LRRC9: variants seen among roughly 807,000 people sequenced by gnomAD.
LRRC9 encodes leucine rich repeat containing 9.
LRRC9 carries 122 observed loss-of-function variants against 63.2 expected under a neutral mutation model. The ratio of observed to expected loss-of-function variants is 1.93; its 90% CI spans 1.67 to 2.24. The LOEUF (loss-of-function observed/expected upper bound fraction) is 2.24, where lower values mean the gene tolerates loss of function less well. Ranked by LOEUF, LRRC9 falls within the 30% of genes most tolerant of loss-of-function variation. The pLI, the probability that LRRC9 is intolerant of heterozygous loss-of-function variation, is 0.00. For synonymous variants in LRRC9, 366 were observed against 213.1 expected, an observed-to-expected ratio of 1.72 and a Z score of -6.25; for missense variants, 1,071 against 627.7, an observed-to-expected ratio of 1.71 and a Z score of -7.55.
chr14:59,988,026 T>C (rs1357788936), intron 17 of LRRC9, among the ~76,000 whole-genome samples: 1 of 152,216 alleles, frequency 6.6e-6, no homozygotes, highest in East Asian at 1.9e-4. Flanking sequence ...CAATCCATTG[T>C]AATTTTTATC....
At chr14:60,016,634 A>G (rs1566878614) in intron 23 of LRRC9, 26 bp from the exon 24 acceptor site, 3 of 674,778 alleles carry the variant, frequency 4.4e-6, no homozygotes, top group Non-Finnish European at 8.2e-6. Flanking sequence ...AAGACAGGAC[A>G]TCATTTTCTA....
chr14:59,985,188 T>G (rs776819732), exon 17 of LRRC9: 1 of 691,646 alleles, frequency 1.4e-6, no homozygotes, highest in South Asian at 1.5e-5. Context: ...ACATTAGCTT[T>G]AATGAATTTA....
intron 15 of LRRC9, 26 bp downstream of exon 15, chr14:59,978,158 G>T (rs1281265501): frequency 1.4e-6 from 1 of 698,604 alleles, no homozygotes; most frequent in African/African-American, 1.7e-5. Flanking sequence ...TATTCTTAAA[G>T]ACTAATTCTA....
Position 59,930,180 on chromosome 14 carries a change from G to A in LRRC9, c.268-738G>A, listed in dbSNP as rs866186743. ...GTAATCAAATCATAACCAGTACTAC[G>A]TAGTAATAAAATTGGTCCACTTAGA... On this transcript the variant is annotated intron_variant, in intron 3 of 31. Coordinates refer to ENST00000445360, the Ensembl canonical transcript of LRRC9. This position sits in a 1 kb window ranked among gnomAD's most constrained non-coding sequence, Gnocchi z 4.9. 2.0e-4 allele frequency among the ~76,000 whole-genome samples: 30 copies of A among 151,910 alleles called. No individual in the cohort carries two copies. The highest frequency in any genetic ancestry group is 5.6e-4 in the African/African-American group (23 of 41,392).
chr14:59,923,037 C>T lies in LRRC9; in HGVS notation c.-34+3154C>T, dbSNP rs1261781594. ...TGGGGGAACTAGAGATGACCTTTAG[C>T]CTCTTAAATGGGCCAGCCCTGAAAG... On this transcript the variant is annotated intron_variant, in intron 1 of 31. Transcript: ENST00000445360. The surrounding 1 kb of genome is among the most constrained non-coding windows in gnomAD (Gnocchi z 4.2). Among the ~76,000 whole-genome samples, 1 of 152,148 alleles carries T rather than the reference C, an allele frequency of 6.6e-6. No homozygotes were observed. The highest frequency in any genetic ancestry group is 1.9e-4 in the East Asian group (1 of 5,190).
intron 17 of LRRC9, among the ~76,000 whole-genome samples, chr14:59,988,631 G>A (rs552477532): frequency 2.2e-4 from 34 of 152,092 alleles, no homozygotes; most frequent in African/African-American, 7.2e-4. Flanking sequence ...AAAATTTTGT[G>A]TATGTTCTTC....
intron 29 of LRRC9, among the ~76,000 whole-genome samples, chr14:60,036,305 G>T (rs1167006252): frequency 6.6e-6 from 1 of 152,142 alleles, no homozygotes; most frequent in Admixed American, 6.6e-5. Context: ...CCTCAACTCA[G>T]GGTTCACCTA....
At chr14:59,933,777 G>A (rs931211574) in intron 6 of LRRC9, among the ~76,000 whole-genome samples, 4 of 152,144 alleles carry the variant, frequency 2.6e-5, no homozygotes, top group Admixed American at 6.6e-5. Context: ...GTAGCAGGGC[G>A]TGGGCATTCT....
intron 7 of LRRC9, among the ~76,000 whole-genome samples, chr14:59,941,034 C>A (rs1477162534): frequency 1.3e-5 from 2 of 151,842 alleles, no homozygotes; most frequent in Non-Finnish European, 2.9e-5. Context: ...TTCCCTCTTT[C>A]CCCAAAATCT....
At chr14:60,062,892 G>A (rs1303942759) in intron 31 of LRRC9, among the ~76,000 whole-genome samples, 1 of 82,684 alleles carries the variant, frequency 1.2e-5, no homozygotes, top group East Asian at 3.3e-4. Context: ...TGAGTCCACA[G>A]TATTTTTTTT....
chr14:59,987,756 A>G (rs1256652102), intron 17 of LRRC9, among the ~76,000 whole-genome samples: 10 of 152,184 alleles, frequency 6.6e-5, no homozygotes. Context: ...TTATTACTTA[A>G]TGCAGTTGGG....
rs1264260396 is a variant in LRRC9 at position 59,932,599 on chromosome 14, A to G, written c.543+560A>G. 6.6e-6 allele frequency among the ~76,000 whole-genome samples: 1 copy of G among 152,070 alleles called. No individual in the cohort carries two copies. The highest frequency in any genetic ancestry group is 1.5e-5 in the Non-Finnish European group (1 of 67,976). ...TGCAGTAACTTAAGCCAAAATCCTTACAGTCATTTGTGACTCTTCTTATTC... is the reference window on the plus strand; with the variant it reads ...TGCAGTAACTTAAGCCAAAATCCTTGCAGTCATTTGTGACTCTTCTTATTC... On this transcript the variant is annotated intron_variant, in intron 6 of 31. Coordinates refer to ENST00000445360, the Ensembl canonical transcript of LRRC9. This position sits in a 1 kb window ranked among gnomAD's most constrained non-coding sequence, Gnocchi z 4.7.
chr14:60,055,091 A>G (rs1894174542), intron 30 of LRRC9, among the ~76,000 whole-genome samples: 3 of 152,210 alleles, frequency 2.0e-5, no homozygotes, highest in Non-Finnish European at 4.4e-5. Flanking sequence ...TTTTAAAATT[A>G]ATCTTGACAT....
intron 22 of LRRC9, 38 bp from the exon 23 acceptor site, chr14:60,008,054 A>C (rs1266263003): frequency 1.7e-6 from 1 of 602,214 alleles, no homozygotes; most frequent in Non-Finnish European, 3.0e-6. Context: ...AGTGCTTTAA[A>C]TATACATATA....
At chr14:59,933,668 T>G (rs866312468) in intron 6 of LRRC9, among the ~76,000 whole-genome samples, 2 of 152,158 alleles carry the variant, frequency 1.3e-5, no homozygotes, top group Non-Finnish European at 2.9e-5. Flanking sequence ...AAAAGAAATG[T>G]AAACAAAATT....
At chr14:59,999,558 A>G (rs1889147098) in intron 19 of LRRC9, among the ~76,000 whole-genome samples, 2 of 152,188 alleles carry the variant, frequency 1.3e-5, no homozygotes. Flanking sequence ...GTAAGCTTAG[A>G]GGCCTTCAGA....
At chr14:59,957,565 G>T (rs1883898656) in intron 8 of LRRC9, among the ~76,000 whole-genome samples, 1 of 151,932 alleles carries the variant, frequency 6.6e-6, no homozygotes, top group African/African-American at 2.4e-5. Context: ...CCTTGCATTG[G>T]GTTAGAACTT....
rs1412427994 is a variant in LRRC9, at chr14:59,923,656, G to C, written c.-34+3773G>C. ...CAGTAATTAAAACAGATACAGTCAG[G>C]CGAGGTGGCTCACGCCTGTAGGCTC... is the stretch of plus-strand genomic sequence containing the variant. On this transcript the variant is annotated intron_variant, in intron 1 of 31. Transcript: ENST00000445360. The surrounding 1 kb of genome is among the most constrained non-coding windows in gnomAD (Gnocchi z 4.2). Among the ~76,000 whole-genome samples the C allele has an allele frequency of 6.6e-6, 1 of 152,188 alleles. No homozygotes were observed. Among genetic ancestry groups the C allele is most frequent in the African/African-American group, 2.4e-5 (1 of 41,438 alleles).
intron 23 of LRRC9, among the ~76,000 whole-genome samples, chr14:60,012,552 A>G (rs932272527): frequency 3.3e-5 from 5 of 152,194 alleles, no homozygotes; most frequent in African/African-American, 1.2e-4. Flanking sequence ...AAGTAGATCA[A>G]ATGACTTACC....
Sources: allele counts gnomAD v4.1 joint callset (sites outside exome capture counted in the v4.1 genomes callset), GRCh38; gene constraint gnomAD v4.1.1; non-coding constraint Gnocchi (gnomAD v3.1); transcripts MANE v1.5; gene names NCBI Gene and HGNC (gene_info 2026-07-23, HGNC 2026-07-21).